Variants in NWD1 observed in about 807,000 individuals in gnomAD.
NWD1 encodes the protein NACHT domain- and WD repeat-containing protein 1.
In NWD1, 129 loss-of-function variants were observed where a neutral mutation model predicts 135.1. The ratio of observed to expected loss-of-function variants is 0.96; its 90% CI spans 0.83 to 1.11. The LOEUF is 1.11. Ranked by LOEUF, NWD1 falls within the 50% of genes least tolerant of loss-of-function variation. The pLI, the probability that NWD1 is intolerant of heterozygous loss-of-function variation, is 0.00. For missense variants in NWD1, 1,740 were observed against 1,851.3 expected (o/e 0.94, Z 1.10); for synonymous variants, 773 against 786.0 (o/e 0.98, Z 0.28).
intron 10 of NWD1, among the ~76,000 whole-genome samples, chr19:16,771,944 C>T (rs1174013404): frequency 1.3e-5 from 2 of 151,286 alleles, no homozygotes; most frequent in Admixed American, 6.6e-5. Flanking sequence ...TACAGGCCTG[C>T]GCGCCACCAT....
intron 12 of NWD1, among the ~76,000 whole-genome samples, chr19:16,788,564 CAAAA>C (rs1164007408): frequency 4.2e-5 from 3 of 71,714 alleles, no homozygotes; most frequent in Non-Finnish European, 6.5e-5. Context: ...GAGAGTCCGT[CAAAA>C]AAAAAAAAAA....
intron 2 of NWD1, among the ~76,000 whole-genome samples, chr19:16,728,550 G>A (rs1398437032): frequency 6.6e-6 from 1 of 151,940 alleles, no homozygotes; most frequent in African/African-American, 2.4e-5. Context: ...CTCCCAAAGT[G>A]CTGGGATTAC....
chr19:16,744,487 G>T lies in NWD1; in HGVS notation c.265G>T (p.Val89Leu), dbSNP rs1413444806. 1.3e-6 allele frequency: 2 copies of T among 1,535,700 alleles called. No homozygotes were observed. Among genetic ancestry groups the T allele is most frequent in the Non-Finnish European group, 1.7e-6 (2 of 1,146,548 alleles). ...PSRIDEKEWE[V>L]LRDHLTARPS... Reference sequence around the variant, plus strand: ...GCGGATCGATGAGAAGGAGTGGGAGGTATTGAGGGACCATCTGACTGCCAG... The same window carrying T: ...GCGGATCGATGAGAAGGAGTGGGAGTTATTGAGGGACCATCTGACTGCCAG... The change falls in exon 5 of 19, where the codon GTA (valine) becomes TTA (leucine). Residue 89 changes from valine (V) to leucine (L), a missense_variant. By Grantham distance (32) the Val-to-Leu change is conservative. Transcript: ENST00000524140.
At position 16,762,134 on chromosome 19, in the gene NWD1, G is replaced by A. The variant is rs140411452; in HGVS notation, c.2129G>A (p.Arg710Gln). 6.2e-6 allele frequency: 10 copies of A among 1,611,944 alleles called. No homozygotes were observed. Among genetic ancestry groups the A allele is most frequent in the South Asian group, 4.4e-5 (4 of 90,954 alleles). ...PLVGKPLNLD[R>Q]KVAPQPLWFS... ...GTGGGGAAACCACTGAACTTGGACC[G>A]AAAGGTGAGGTACCTGGGACCCCCA... Residue 710 changes from arginine (R) to glutamine (Q), a missense_variant, in exon 8 of 19, where the codon CGA (arginine) becomes CAA (glutamine). Arg to Gln is a conservative substitution (Grantham distance 43). Coordinates refer to ENST00000524140, the MANE Select transcript of NWD1 (RefSeq NM_001007525.5).
At chr19:16,733,414 G>T (rs138478614) in intron 3 of NWD1, among the ~76,000 whole-genome samples, 24 of 151,846 alleles carry the variant, frequency 1.6e-4, no homozygotes, top group Admixed American at 9.9e-4. Context: ...CCAGCTACTC[G>T]GGAGGCTGGG....
At chr19:16,763,971 G>T in intron 9 of NWD1, 26 bp downstream of exon 9, 1 of 1,398,252 alleles carries the variant, frequency 7.2e-7, no homozygotes, top group South Asian at 1.2e-5. Context: ...CATCTCAGAG[G>T]ACCGAGCCTG....
intron 5 of NWD1, among the ~76,000 whole-genome samples, chr19:16,746,012 G>A (rs1189659918): frequency 6.6e-6 from 1 of 152,100 alleles, no homozygotes; most frequent in Admixed American, 6.6e-5. Context: ...GAAAATCTGT[G>A]TATAACTTTT....
Position 16,786,553 on chromosome 19 carries a change from C to CTT in NWD1, c.2732-2419_2732-2418dup, listed in dbSNP as rs111519885. On this transcript the variant is annotated intron_variant, in intron 12 of 18. Coordinates refer to ENST00000524140, the MANE Select transcript of NWD1 (RefSeq NM_001007525.5). Reference sequence around the variant, plus strand: ...TGTTCCCATCTTTATGTTGGGGACACTTTTTTTTTTTGAGACAGAGTCTCA... The same window carrying CTT: ...TGTTCCCATCTTTATGTTGGGGACACTTTTTTTTTTTTTGAGACAGAGTCTCA... Among the ~76,000 whole-genome samples, 698 of 146,180 alleles carry CTT rather than the reference C, an allele frequency of 4.8e-3. 7 individuals carry two copies. The highest frequency in any genetic ancestry group is 0.017 in the African/African-American group (669 of 40,112).
chr19:16,732,691 G>A (rs1326313191), intron 3 of NWD1, among the ~76,000 whole-genome samples: 6 of 117,466 alleles, frequency 5.1e-5, no homozygotes, highest in Non-Finnish European at 1.0e-4. Flanking sequence ...AAAGTGCAGT[G>A]GTGTGATCTC....
chr19:16,752,066 A>C (rs1318480115), intron 6 of NWD1, among the ~76,000 whole-genome samples: 1 of 152,152 alleles, frequency 6.6e-6, no homozygotes, highest in African/African-American at 2.4e-5. Context: ...CCAAGCAGCC[A>C]CACTCCCTCC....
intron 8 of NWD1, among the ~76,000 whole-genome samples, chr19:16,763,289 A>T (rs918156300): frequency 4.6e-5 from 7 of 152,098 alleles, no homozygotes; most frequent in Non-Finnish European, 1.0e-4. Flanking sequence ...GATTATGATT[A>T]TGCCTCTTGT....
At position 16,759,395 on chromosome 19, in the gene NWD1, T is replaced by C. The variant is rs1430283107; in HGVS notation, c.1940T>C (p.Val647Ala). Reference protein sequence around the residue: ...DLGYYLARRPVDGFTLLAIAH... With the variant: ...DLGYYLARRPADGFTLLAIAH... ...GGATACTACTTGGCCCGGCGGCCCG[T>C]GGATGGCTTCACCCTCCTGGCCATT... Residue 647 changes from valine (V) to alanine (A), a missense_variant, in exon 7 of 19, where the codon GTG (valine) becomes GCG (alanine). Coordinates refer to ENST00000524140, the MANE Select transcript of NWD1 (RefSeq NM_001007525.5). 8.8e-6 allele frequency: 14 copies of C among 1,587,320 alleles called. No individual in the cohort carries two copies. Among genetic ancestry groups the C allele is most frequent in the South Asian group, 1.1e-5 (1 of 88,582 alleles).
chr19:16,808,973 A>G (rs552318138), intron 18 of NWD1, among the ~76,000 whole-genome samples: 10 of 152,286 alleles, frequency 6.6e-5, no homozygotes, highest in Non-Finnish European at 1.2e-4. Context: ...TGATCCAGCT[A>G]CTTGGAGGGC....
chr19:16,754,676 C>A (rs1968717101), intron 6 of NWD1, among the ~76,000 whole-genome samples: 1 of 151,490 alleles, frequency 6.6e-6, no homozygotes, highest in African/African-American at 2.4e-5. Context: ...TCCATCATCT[C>A]TATCTTCCAT....
chr19:16,739,924 A>G (rs1441234213), intron 4 of NWD1, among the ~76,000 whole-genome samples: 5 of 151,942 alleles, frequency 3.3e-5, no homozygotes, highest in African/African-American at 9.7e-5. Context: ...TTTCCTTCAT[A>G]TAACCTCTGG....
Position 16,749,341 on chromosome 19 carries a change from C to T in NWD1, c.699C>T (p.Asp233=), listed in dbSNP as rs940685116. ...LLSSLKSHIT[D]MHPGVLKTHR... is the part of the protein sequence containing the mutation. ...GCAGCCTCAAAAGTCACATCACTGA[C>T]ATGCACCCAGGGGTCCTCAAGACCC... Residue 233 remains aspartate, a synonymous_variant, in exon 6 of 19, where the codon GAC becomes GAT. Coordinates refer to ENST00000524140, the MANE Select transcript of NWD1 (RefSeq NM_001007525.5). 6.2e-7 allele frequency: 1 copy of T among 1,613,722 alleles called. No homozygotes were observed. The highest frequency in any genetic ancestry group is 1.3e-5 in the African/African-American group (1 of 74,900).
At chr19:16,735,963 C>CAA (rs534777742) in intron 3 of NWD1, among the ~76,000 whole-genome samples, 32,703 of 120,234 alleles carry the variant, frequency 0.27, 5,364 homozygotes, top group Middle Eastern at 0.43. Flanking sequence ...GACTCCAACT[C>CAA]AAAAAAAAAA....
At position 16,815,157 on chromosome 19, in the gene NWD1, C is replaced by A; in HGVS notation, c.*118C>A. On this transcript the variant is annotated 3_prime_UTR_variant, in exon 19 of 19. Transcript: ENST00000524140. ...AATTTCCAGTGCCTTTCAGCAAAAG[C>A]CTCACCGCAGGACCCTCTTAAGAAC... 2 of 1,056,608 alleles carry A rather than the reference C, an allele frequency of 1.9e-6. No homozygotes were observed. Among genetic ancestry groups the A allele is most frequent in the Non-Finnish European group, 3.0e-6 (2 of 670,422 alleles). The allele number at this position is 1,056,608 out of a possible 1,614,324, so 65.5% of individuals were successfully genotyped here. A position where few individuals can be genotyped will look rare whatever the true frequency, so the allele number is the denominator to read the frequency against.
At chr19:16,801,241 T>G (rs1395378524) in intron 17 of NWD1, among the ~76,000 whole-genome samples, 1 of 151,938 alleles carries the variant, frequency 6.6e-6, no homozygotes, top group Non-Finnish European at 1.5e-5. Flanking sequence ...ATCACGCCAT[T>G]GCACTCCAGC....
Sources: gnomAD v4.1 joint callset for allele counts (sites outside exome capture counted in the v4.1 genomes callset) on GRCh38, gnomAD v4.1.1 for gene constraint, MANE v1.5 for transcripts, NCBI Gene and HGNC (gene_info 2026-07-23, HGNC 2026-07-21) for gene names.